The following NEXMIF variants were observed in gnomAD, a reference collection of about 807,000 sequenced individuals.
NEXMIF encodes XLMR protein related to neurite extension.
Under a neutral mutation model 62.1 loss-of-function variants are expected in NEXMIF, and 8 were observed. The observed-to-expected ratio is 0.13, with a 90% CI of 0.08 to 0.23. The LOEUF is 0.23. Among genes scored for constraint, NEXMIF ranks in the 10% least tolerant of loss-of-function variants. NEXMIF has a pLI of 1.00. For synonymous variants in NEXMIF, 404 were observed against 416.6 expected, an observed-to-expected ratio of 0.97 and a Z score of 0.37; for missense variants, 976 against 1,113.3, an observed-to-expected ratio of 0.88 and a Z score of 1.75.
At chrX:74,908,690 G>A (rs972600317) in intron 1 of NEXMIF, among the ~76,000 whole-genome samples, 7 of 112,492 alleles carry the variant, frequency 6.2e-5, no homozygotes, top group Non-Finnish European at 1.1e-4. Context: ...GCACATGCAC[G>A]TGCACACACA....
intron 1 of NEXMIF, among the ~76,000 whole-genome samples, chrX:74,795,607 G>A (rs1259060163): frequency 9.0e-6 from 1 of 111,542 alleles, no homozygotes; most frequent in African/African-American, 3.3e-5. Context: ...GTATGGTATT[G>A]GGGTGGTGAG....
intron 1 of NEXMIF, among the ~76,000 whole-genome samples, chrX:74,758,720 T>A (rs1247367274): frequency 8.9e-6 from 1 of 111,811 alleles, no homozygotes; most frequent in African/African-American, 3.3e-5. Flanking sequence ...TCTGTCCATG[T>A]CCCTGCGAAG....
rs2147441841 is a variant in NEXMIF, at chrX:74,744,329, G to T, written c.228C>A (p.Ser76Arg). ...PLPSKKPCMQ[S>R]PPSPLGLIEA... Reference sequence around the variant, plus strand: ...CAATCAGGCCCAAAGGAGAGGGCGGGCTCTGCATACAGGGCTTCTTAGAGG... The same window carrying T: ...CAATCAGGCCCAAAGGAGAGGGCGGTCTCTGCATACAGGGCTTCTTAGAGG... The change falls in exon 3 of 4, where the codon AGC (serine) becomes AGA (arginine). Residue 76 changes from serine to arginine, a missense_variant. Physicochemically the swap from Ser to Arg is moderately radical, Grantham distance 110. Around this residue, in one of 5 missense-constraint regions of NEXMIF, gnomAD observed 126 missense variants for 146.5 expected, o/e 0.86. Transcript: ENST00000055682. 1 of 1,211,573 alleles carries T rather than the reference G, an allele frequency of 8.3e-7. No individual in the cohort carries two copies.
chrX:74,884,348 G>A (rs2080680702), intron 1 of NEXMIF, among the ~76,000 whole-genome samples: 1 of 111,667 alleles, frequency 9.0e-6, no homozygotes, highest in Non-Finnish European at 1.9e-5. Context: ...GGAACAGACT[G>A]GCAAATTGGA....
rs865960288 is a variant in NEXMIF, at chrX:74,738,252, G to A, written c.*1153C>T. 1.5e-4 allele frequency: 17 copies of A among 111,638 alleles called. No homozygotes were observed. The highest frequency in any genetic ancestry group is 4.9e-4 in the African/African-American group (15 of 30,807). The allele number at this position is 111,638 out of a possible 1,213,427, so 9.2% of individuals were successfully genotyped here. A position where few individuals can be genotyped will look rare whatever the true frequency, so the allele number is the denominator to read the frequency against. ...GACTAAGGGTATATGGCCCAAATCA[G>A]TTGTTGCCACAAATTGTTCATCTTA... On this transcript the variant is annotated 3_prime_UTR_variant, in exon 4 of 4. Coordinates refer to ENST00000055682, the MANE Select transcript of NEXMIF (RefSeq NM_001008537.3).
intron 1 of NEXMIF, among the ~76,000 whole-genome samples, chrX:74,887,179 C>A (rs2080698104): frequency 1.8e-5 from 2 of 111,973 alleles, no homozygotes; most frequent in Non-Finnish European, 3.8e-5. Flanking sequence ...ACAGGTTAGA[C>A]CTAAAACCAT....
At chrX:74,761,833 G>C (rs769731362) in intron 1 of NEXMIF, among the ~76,000 whole-genome samples, 35 of 110,555 alleles carry the variant, frequency 3.2e-4, no homozygotes, top group African/African-American at 1.1e-3. Flanking sequence ...GATATTTCTA[G>C]CTTTCTGATG....
chrX:74,762,446 C>A (rs1315046221), intron 1 of NEXMIF, among the ~76,000 whole-genome samples: 1 of 111,514 alleles, frequency 9.0e-6, no homozygotes, highest in African/African-American at 3.3e-5. Flanking sequence ...GTCTTTATAG[C>A]AGCATGATTT....
At chrX:74,873,738 G>A (rs1276097533) in intron 1 of NEXMIF, among the ~76,000 whole-genome samples, 8 of 112,186 alleles carry the variant, frequency 7.1e-5, no homozygotes, top group African/African-American at 2.6e-4. Flanking sequence ...TTCTCTGATG[G>A]CCAGTGATGA....
intron 1 of NEXMIF, among the ~76,000 whole-genome samples, chrX:74,923,375 T>C (rs1316692104): frequency 2.7e-5 from 3 of 112,418 alleles, no homozygotes; most frequent in Non-Finnish European, 5.6e-5. Flanking sequence ...TTAATTATAT[T>C]CACAGCCACA....
chrX:74,767,347 C>T (rs1036081159), intron 1 of NEXMIF, among the ~76,000 whole-genome samples: 1 of 113,002 alleles, frequency 8.8e-6, no homozygotes, highest in Non-Finnish European at 1.9e-5. Flanking sequence ...ACAGTGAAGG[C>T]TGTGAAACAG....
At chrX:74,874,448 T>C (rs765610856) in intron 1 of NEXMIF, among the ~76,000 whole-genome samples, 6 of 111,266 alleles carry the variant, frequency 5.4e-5, no homozygotes, top group African/African-American at 2.0e-4. Flanking sequence ...CTTTGTTCTT[T>C]TAGCTTAGGA....
intron 1 of NEXMIF, among the ~76,000 whole-genome samples, chrX:74,842,696 A>G (rs1020642671): frequency 2.7e-5 from 3 of 111,845 alleles, no homozygotes; most frequent in African/African-American, 9.8e-5. Flanking sequence ...TTTTCAAAGA[A>G]CTTCTTGACT....
At position 74,743,129 on chromosome X, in the gene NEXMIF, C is replaced by A; in HGVS notation, c.1428G>T (p.Gln476His). 1 of 1,210,951 alleles carries A rather than the reference C, an allele frequency of 8.3e-7. No individual in the cohort carries two copies. Among genetic ancestry groups the A allele is most frequent in the Non-Finnish European group, 1.1e-6 (1 of 895,291 alleles). ...TTCTCTTGGCTCGCAGCCCATAGTT[C>A]TGTTGGGAGGAGGAGCTGCCAGAAT... ...DTNSGSSSSQQNYGLRAKRKV... is the reference protein window; with the variant it reads ...DTNSGSSSSQHNYGLRAKRKV... Residue 476 changes from glutamine (Q) to histidine (H), a missense_variant, in exon 3 of 4, where the codon CAG becomes CAT. Physicochemically the swap from Gln to His is conservative, Grantham distance 24 (BLOSUM62 0). Around this residue, in one of 5 missense-constraint regions of NEXMIF, gnomAD observed 639 missense variants for 694.5 expected, o/e 0.92. Coordinates refer to ENST00000055682, the MANE Select transcript of NEXMIF (RefSeq NM_001008537.3).
rs1602209063 is a variant in NEXMIF at position 74,735,596 on chromosome X, A to C, written c.*3809T>G. Reference sequence around the variant, plus strand: ...CTCCGTAGCCCCCTCACACACGCAGATGCTTCCCAGCAAGGAAAAAGTTCA... The same window carrying C: ...CTCCGTAGCCCCCTCACACACGCAGCTGCTTCCCAGCAAGGAAAAAGTTCA... On this transcript the variant is annotated 3_prime_UTR_variant, in exon 4 of 4. Transcript: ENST00000055682. 1 of 111,942 alleles carries C rather than the reference A, an allele frequency of 8.9e-6. No homozygotes were observed. The highest frequency in any genetic ancestry group is 2.8e-4 in the East Asian group (1 of 3,573). 9.2% of individuals were successfully genotyped at this position (111,942 alleles called of 1,213,427 possible). A position where few individuals can be genotyped will look rare whatever the true frequency, so the allele number is the denominator to read the frequency against.
At chrX:74,808,820 C>CTTTA (rs1177580470) in intron 1 of NEXMIF, among the ~76,000 whole-genome samples, 2 of 111,951 alleles carry the variant, frequency 1.8e-5, no homozygotes, top group Non-Finnish European at 3.8e-5. Flanking sequence ...ATCCCTTCAA[C>CTTTA]TTAAAATGGA....
intron 1 of NEXMIF, among the ~76,000 whole-genome samples, chrX:74,846,062 A>G (rs1420115066): frequency 8.9e-6 from 1 of 112,619 alleles, no homozygotes; most frequent in Non-Finnish European, 1.9e-5. Context: ...TGTAATTAAT[A>G]TCTTCTTTCC....
intron 1 of NEXMIF, among the ~76,000 whole-genome samples, chrX:74,883,555 G>A (rs144883148): frequency 3.1e-3 from 347 of 111,872 alleles, no homozygotes; most frequent in African/African-American, 0.011. Context: ...AGCGATGGAA[G>A]ACGAAATGAA....
chrX:74,850,884 T>C (rs1465471710), intron 1 of NEXMIF, among the ~76,000 whole-genome samples: 1 of 110,451 alleles, frequency 9.1e-6, no homozygotes, highest in Non-Finnish European at 1.9e-5. Flanking sequence ...AAAAGAGATT[T>C]ATGAAATCCT....
Sources: allele counts gnomAD v4.1 joint callset (sites outside exome capture counted in the v4.1 genomes callset), GRCh38; gene constraint gnomAD v4.1.1; regional missense constraint gnomAD v4.1.1; transcripts MANE v1.5; gene names NCBI Gene and HGNC (gene_info 2026-07-23, HGNC 2026-07-21).